The following RNF111 variants were observed in gnomAD, a reference collection of about 807,000 sequenced individuals.
RNF111 encodes the protein ring finger protein 111.
In RNF111, 17 loss-of-function variants were observed where a neutral mutation model predicts 95.1. That is an observed-to-expected ratio of 0.18 (90% CI 0.12 to 0.27). The LOEUF is 0.27. Among genes scored for constraint, RNF111 ranks in the 10% least tolerant of loss-of-function variants. RNF111 has a pLI of 1.00. For missense variants in RNF111, 1,189 were observed against 1,210.4 expected (o/e 0.98, Z 0.26); for synonymous variants, 440 against 414.8 (o/e 1.06, Z -0.74).
At chr15:59,005,940 A>G (rs1224589520) in intron 1 of RNF111, among the ~76,000 whole-genome samples, 1 of 152,248 alleles carries the variant, frequency 6.6e-6, no homozygotes, top group Non-Finnish European at 1.5e-5. Flanking sequence ...CACAGCAGTG[A>G]TGGGGATGTG....
rs762664082 is a variant in RNF111 at position 59,094,909 on chromosome 15, T to G, written c.*9T>G. 2 of 1,476,730 alleles carry G rather than the reference T, an allele frequency of 1.4e-6. No homozygotes were observed. The allele number at this position is 1,476,730 out of a possible 1,614,324, so 91.5% of individuals were successfully genotyped here. A position where few individuals can be genotyped will look rare whatever the true frequency, so the allele number is the denominator to read the frequency against. On this transcript the variant is annotated 3_prime_UTR_variant, in exon 14 of 14. Coordinates refer to ENST00000348370, the MANE Select transcript of RNF111 (RefSeq NM_017610.8). The stretch of plus-strand genomic sequence containing the variant: ...TGCCAAGTGAAAGTTGACACCATGT[T>G]TCAGAACTCTTGCCCTCCCTCTCAT...
chr15:59,033,677 T>C lies in RNF111; in HGVS notation c.880+1975T>C, dbSNP rs146416860. Reference sequence around the variant, plus strand: ...GGGGAATGAGAATATAGTAATTGAATGTCATTATCAGTGCCAGGGGTTCAT... The same window carrying C: ...GGGGAATGAGAATATAGTAATTGAACGTCATTATCAGTGCCAGGGGTTCAT... On this transcript the variant is annotated intron_variant, in intron 2 of 13. Transcript: ENST00000348370. Among the ~76,000 whole-genome samples, 42 of 152,340 alleles carry C rather than the reference T, an allele frequency of 2.8e-4. No individual in the cohort carries two copies. The East Asian group carries it at 8.1e-3, about 29-fold the overall frequency.
At chr15:59,025,993 G>C (rs1295336242) in intron 1 of RNF111, among the ~76,000 whole-genome samples, 1 of 150,986 alleles carries the variant, frequency 6.6e-6, no homozygotes, top group East Asian at 1.9e-4. Context: ...GCCGCCCAAA[G>C]TGCTGGGATT....
At chr15:59,025,176 C>T (rs1022924348) in intron 1 of RNF111, among the ~76,000 whole-genome samples, 9 of 152,096 alleles carry the variant, frequency 5.9e-5, no homozygotes, top group African/African-American at 1.4e-4. Context: ...TGAGCCACTG[C>T]GCCCAGGCAG....
Position 59,058,223 on chromosome 15 carries a change from C to T in RNF111, c.1172-133C>T, listed in dbSNP as rs1301096779. On this transcript the variant is annotated intron_variant, in intron 4 of 13. Transcript: ENST00000348370. ...TTTAGCTTTGTGAACGCTTTCTTTA[C>T]CAAATGTTATTAGAGAGCTTGTATT... is the stretch of plus-strand genomic sequence containing the variant. 5.7e-6 allele frequency: 4 copies of T among 700,602 alleles called. No homozygotes were observed. The African/African-American group carries it at 7.2e-5, about 13-fold the overall frequency. 43.4% of individuals were successfully genotyped at this position (700,602 alleles called of 1,614,324 possible). A position where few individuals can be genotyped will look rare whatever the true frequency, so the allele number is the denominator to read the frequency against.
intron 1 of RNF111, among the ~76,000 whole-genome samples, chr15:59,030,031 G>T (rs1567225867): frequency 6.6e-6 from 1 of 152,104 alleles, no homozygotes; most frequent in Non-Finnish European, 1.5e-5. Flanking sequence ...ACATTGCATT[G>T]ATGTAAATGC....
chr15:59,024,358 A>G (rs556050910), intron 1 of RNF111, among the ~76,000 whole-genome samples: 13 of 152,320 alleles, frequency 8.5e-5, no homozygotes, highest in East Asian at 1.9e-4. Context: ...GTGCGAGTCA[A>G]CTGTTTTCAT....
intron 1 of RNF111, among the ~76,000 whole-genome samples, chr15:59,028,845 TC>T (rs2040757886): frequency 6.6e-6 from 1 of 151,696 alleles, no homozygotes; most frequent in East Asian, 1.9e-4. Context: ...AGCGGTGCAG[TC>T]CCAGCTCACT....
At chr15:59,061,399 T>C (rs962303050) in intron 5 of RNF111, among the ~76,000 whole-genome samples, 2 of 152,224 alleles carry the variant, frequency 1.3e-5, no homozygotes, top group African/African-American at 4.8e-5. Context: ...CGTAAATTTA[T>C]GGTTTCGAAT....
In RNF111 at chr15:59,095,736, C is replaced by T. The variant is rs2079166425; in HGVS notation, c.*836C>T. On this transcript the variant is annotated 3_prime_UTR_variant, in exon 14 of 14. Coordinates refer to ENST00000348370, the MANE Select transcript of RNF111 (RefSeq NM_017610.8). ...AGATTGTACATACTTGCAGATTTAA[C>T]AAAATTTTAGGGAAATTGAAAAAGA... 2 of 326,846 alleles carry T rather than the reference C, an allele frequency of 6.1e-6. No individual in the cohort carries two copies. The highest frequency in any genetic ancestry group is 1.1e-5 in the Non-Finnish European group (2 of 181,916). 20.2% of individuals were successfully genotyped at this position (326,846 alleles called of 1,614,324 possible). A position where few individuals can be genotyped will look rare whatever the true frequency, so the allele number is the denominator to read the frequency against.
At chr15:59,054,379 G>A (rs2042119695) in intron 3 of RNF111, among the ~76,000 whole-genome samples, 1 of 152,162 alleles carries the variant, frequency 6.6e-6, no homozygotes, top group East Asian at 1.9e-4. Flanking sequence ...GCTCCATCTA[G>A]TACAATATGA....
chr15:59,082,414 G>A (rs558957343), intron 8 of RNF111, among the ~76,000 whole-genome samples: 15 of 152,304 alleles, frequency 9.8e-5, no homozygotes, highest in African/African-American at 3.6e-4. Context: ...TGTTACTAAC[G>A]AGAGGGAAGG....
chr15:59,082,103 A>G (rs530530313), intron 8 of RNF111, among the ~76,000 whole-genome samples: 44 of 152,314 alleles, frequency 2.9e-4, no homozygotes, highest in African/African-American at 9.1e-4. Flanking sequence ...AAAAGTAACT[A>G]TACTAAATCC....
At position 59,058,639 on chromosome 15, in the gene RNF111, T is replaced by C. The variant is rs572775474; in HGVS notation, c.1366+89T>C. On this transcript the variant is annotated intron_variant, in intron 5 of 13. Transcript: ENST00000348370. ...GTTTTTAAGTCTAAGATTTTAGCTATGTTAATAAGCGGGTATTCTTACATT... is the reference window on the plus strand; with the variant it reads ...GTTTTTAAGTCTAAGATTTTAGCTACGTTAATAAGCGGGTATTCTTACATT... 148 of 1,164,282 alleles carry C rather than the reference T, an allele frequency of 1.3e-4. 1 individual carries two copies. In the African/African-American group the frequency reaches 1.9e-3, roughly 15 times the overall value. 72.1% of individuals were successfully genotyped at this position (1,164,282 alleles called of 1,614,324 possible).
intron 7 of RNF111, among the ~76,000 whole-genome samples, chr15:59,077,174 CATGGCCTATTTTGTAATACTTG>C (rs1174372869): frequency 6.6e-6 from 1 of 152,180 alleles, no homozygotes; most frequent in Admixed American, 6.5e-5. Context: ...CAGTGTGATG[CATGGCCTATTTTGTAATACTTG>C]ATGGTATTCA....
chr15:59,022,464 C>T (rs556264691), intron 1 of RNF111, among the ~76,000 whole-genome samples: 3 of 152,196 alleles, frequency 2.0e-5, no homozygotes, highest in Non-Finnish European at 4.4e-5. Flanking sequence ...CAGATTCTGA[C>T]AGTTCTAATC....
At chr15:59,027,960 G>A (rs1390194505) in intron 1 of RNF111, among the ~76,000 whole-genome samples, 2 of 151,540 alleles carry the variant, frequency 1.3e-5, no homozygotes, top group African/African-American at 4.9e-5. Flanking sequence ...TGAGTAGCTG[G>A]GATTACAGGT....
At chr15:59,035,176 C>G (rs947800133) in intron 2 of RNF111, among the ~76,000 whole-genome samples, 1 of 152,154 alleles carries the variant, frequency 6.6e-6, no homozygotes, top group South Asian at 2.1e-4. Flanking sequence ...AAACTGCCCC[C>G]ATGAATTATG....
intron 6 of RNF111, among the ~76,000 whole-genome samples, chr15:59,070,029 C>CCCCTT (rs2042842652): frequency 4.4e-5 from 1 of 22,678 alleles, no homozygotes; most frequent in Non-Finnish European, 7.4e-5. Flanking sequence ...CCACCTCCTG[C>CCCCTT]TTTTTTTTTT....
Sources: allele counts gnomAD v4.1 joint callset (sites outside exome capture counted in the v4.1 genomes callset), GRCh38; gene constraint gnomAD v4.1.1; transcripts MANE v1.5; gene names NCBI Gene and HGNC (gene_info 2026-07-23, HGNC 2026-07-21).